The following ARHGAP10 variants were observed in gnomAD, a reference collection of about 807,000 sequenced individuals.
The protein encoded by ARHGAP10 is Rho GTPase activating protein 10.
Under a neutral mutation model 108.6 loss-of-function variants are expected in ARHGAP10, and 87 were observed. The ratio of observed to expected loss-of-function variants is 0.80; its 90% CI spans 0.67 to 0.96. The LOEUF is 0.96. Among genes scored for constraint, ARHGAP10 ranks in the 40% least tolerant of loss-of-function variants. The probability of loss-of-function intolerance (pLI) is 0.00; values close to 1 mark genes in which losing one functional copy is unlikely to be tolerated. For missense variants in ARHGAP10, 939 were observed against 954.5 expected (o/e 0.98, Z 0.21); for synonymous variants, 347 against 341.1 (o/e 1.02, Z -0.19).
chr4:148,069,822 C>CCA (rs1376941845), intron 22 of ARHGAP10, among the ~76,000 whole-genome samples: 1 of 152,130 alleles, frequency 6.6e-6, no homozygotes, highest in Non-Finnish European at 1.5e-5. Flanking sequence ...ACTCAGGCCC[C>CCA]CACATTGTTA....
chr4:147,838,330 C>T (rs1034899741), intron 3 of ARHGAP10, among the ~76,000 whole-genome samples: 2 of 152,124 alleles, frequency 1.3e-5, no homozygotes, highest in African/African-American at 2.4e-5. Context: ...CTGAACCTGG[C>T]ACAGTGGCTT....
intron 18 of ARHGAP10, among the ~76,000 whole-genome samples, chr4:147,996,954 C>T (rs1401513077): frequency 1.3e-5 from 2 of 152,140 alleles, no homozygotes; most frequent in Non-Finnish European, 2.9e-5. Flanking sequence ...TTGCAGCCTC[C>T]AGAAGTGTGA....
At chr4:147,899,744 T>A (rs904106938) in intron 10 of ARHGAP10, among the ~76,000 whole-genome samples, 1 of 151,996 alleles carries the variant, frequency 6.6e-6, no homozygotes, top group East Asian at 1.9e-4. Context: ...GATTCATAGA[T>A]TTATACTTTG....
chr4:147,870,541 T>C (rs964032602), intron 7 of ARHGAP10, among the ~76,000 whole-genome samples: 1 of 146,330 alleles, frequency 6.8e-6, no homozygotes, highest in African/African-American at 2.5e-5. Flanking sequence ...TAATACCTAT[T>C]GTATTGTAAA....
At position 147,966,578 on chromosome 4, in the gene ARHGAP10, T is replaced by C. The variant is rs184746900; in HGVS notation, c.1557-102T>C. 1.9e-3 allele frequency: 2,214 copies of C among 1,167,236 alleles called. 20 individuals are homozygous for C. The highest frequency in any genetic ancestry group is 8.2e-4 in the Non-Finnish European group (704 of 855,462). The allele number at this position is 1,167,236 out of a possible 1,614,324, so 72.3% of individuals were successfully genotyped here. ...TAGATGTTGAGGGTGGTTAAGTCTC[T>C]TGACCCCTTGCTTTTAAGGAAATAC... On this transcript the variant is annotated intron_variant, in intron 17 of 22. Transcript: ENST00000336498.
intron 3 of ARHGAP10, among the ~76,000 whole-genome samples, chr4:147,846,559 TTG>T (rs1233254106): frequency 1.3e-5 from 2 of 152,102 alleles, no homozygotes; most frequent in African/African-American, 2.4e-5. Context: ...TGGCTGGAGT[TTG>T]TGTGTGTGGC....
In ARHGAP10 at chr4:148,070,648, C is replaced by T. The variant is rs371360779; in HGVS notation, c.2273-1345C>T. 5.3e-5 allele frequency among the ~76,000 whole-genome samples: 8 copies of T among 152,316 alleles called. No homozygotes were observed. In the East Asian group the frequency reaches 9.6e-4, roughly 18 times the overall value. On this transcript the variant is annotated intron_variant, in intron 22 of 22. Coordinates refer to ENST00000336498, the MANE Select transcript of ARHGAP10 (RefSeq NM_024605.4). The stretch of plus-strand genomic sequence containing the variant: ...AATACAGAAAGGAAGGCATTGCATG[C>T]GCGCAGTGAGGGTAAGAGTATTGCT...
At position 147,913,132 on chromosome 4, in the gene ARHGAP10, A is replaced by G; in HGVS notation, c.1221A>G (p.Glu407=). 1 of 1,613,494 alleles carries G rather than the reference A, an allele frequency of 6.2e-7. No individual in the cohort carries two copies. The highest frequency in any genetic ancestry group is 1.3e-5 in the African/African-American group (1 of 75,022). The change falls in exon 13 of 23, where the codon GAA becomes GAG. Residue 407 remains glutamate (E), a synonymous_variant. Transcript: ENST00000336498. The part of the protein sequence containing the change: ...TIIRKCISAV[E]TRGINDQGLY... The stretch of plus-strand genomic sequence containing the variant: ...TCAGAAAATGCATCAGTGCCGTTGA[A>G]ACACGAGGTAATATGATTGAATCAT...
chr4:147,939,895 G>A lies in ARHGAP10; in HGVS notation c.1299G>A (p.Leu433=). ...SSKVQRLLSM[L]MDVKTCNEVD... is the part of the protein sequence containing the mutation. The stretch of plus-strand genomic sequence containing the variant: ...AGGTCCAGAGACTTCTGAGTATGTT[G>A]ATGGGTATGCCTCTTTTCTAATCAT... The change falls in exon 14 of 23, where the codon TTG becomes TTA. Residue 433 remains leucine, a synonymous_variant. Coordinates refer to ENST00000336498, the MANE Select transcript of ARHGAP10 (RefSeq NM_024605.4). 6.2e-7 allele frequency: 1 copy of A among 1,612,964 alleles called. No homozygotes were observed. Among genetic ancestry groups the A allele is most frequent in the Non-Finnish European group, 8.5e-7 (1 of 1,179,050 alleles).
At chr4:147,886,164 CA>C (rs939079295) in intron 10 of ARHGAP10, among the ~76,000 whole-genome samples, 2 of 151,936 alleles carry the variant, frequency 1.3e-5, no homozygotes, top group Middle Eastern at 3.4e-3. Flanking sequence ...TTCTAAAATC[CA>C]AAAAAAATTG....
intron 18 of ARHGAP10, among the ~76,000 whole-genome samples, chr4:148,000,146 A>G (rs1740645164): frequency 6.6e-6 from 1 of 151,848 alleles, no homozygotes; most frequent in Non-Finnish European, 1.5e-5. Flanking sequence ...TCATTGTTCA[A>G]TTCCTGCCTA....
intron 4 of ARHGAP10, among the ~76,000 whole-genome samples, chr4:147,853,528 C>G (rs1388328570): frequency 6.6e-6 from 1 of 151,996 alleles, no homozygotes; most frequent in Non-Finnish European, 1.5e-5. Flanking sequence ...ATCTGGTACC[C>G]TATAGAAAAA....
At chr4:147,992,760 G>C (rs575729329) in intron 18 of ARHGAP10, among the ~76,000 whole-genome samples, 1 of 152,270 alleles carries the variant, frequency 6.6e-6, no homozygotes, top group East Asian at 1.9e-4. Context: ...CTGCCATCCA[G>C]TATTAGTGCC....
chr4:147,846,696 A>C (rs1022702099), intron 3 of ARHGAP10, among the ~76,000 whole-genome samples: 4 of 152,192 alleles, frequency 2.6e-5, no homozygotes, highest in South Asian at 2.1e-4. Flanking sequence ...TTCTGTAATG[A>C]AGGGCAGACT....
chr4:148,071,801 A>G (rs1225029046), intron 22 of ARHGAP10, among the ~76,000 whole-genome samples, 192 bp from the exon 23 acceptor site: 1 of 152,102 alleles, frequency 6.6e-6, no homozygotes, highest in Non-Finnish European at 1.5e-5. Context: ...GGGATTGTGT[A>G]GATGAGGATT....
intron 10 of ARHGAP10, among the ~76,000 whole-genome samples, chr4:147,895,043 C>T (rs1735932224): frequency 6.6e-6 from 1 of 152,058 alleles, no homozygotes; most frequent in Non-Finnish European, 1.5e-5. Flanking sequence ...ACCCCCAAAA[C>T]CCATAGGTCA....
chr4:147,797,810 A>G (rs1034711944), intron 1 of ARHGAP10, among the ~76,000 whole-genome samples: 3 of 152,216 alleles, frequency 2.0e-5, no homozygotes, highest in Admixed American at 2.0e-4. Flanking sequence ...TGCCTTTCCC[A>G]GAAAGAGTTA....
In ARHGAP10 at chr4:147,958,989, A is replaced by G. The variant is rs906300207; in HGVS notation, c.1450+3615A>G. 2.6e-5 allele frequency among the ~76,000 whole-genome samples: 4 copies of G among 152,192 alleles called. No individual in the cohort carries two copies. The East Asian group carries it at 7.7e-4, about 29-fold the overall frequency. ...CATATTTCAAGAATTTGGTATTATG[A>G]TTAATTTAGTATCCTAGTTTTTTTT... On this transcript the variant is annotated intron_variant, in intron 16 of 22. Transcript: ENST00000336498.
At chr4:147,770,056 GAGATGGAGTGTGTGTTC>G (rs1403958336) in intron 1 of ARHGAP10, among the ~76,000 whole-genome samples, 1 of 152,188 alleles carries the variant, frequency 6.6e-6, no homozygotes, top group Non-Finnish European at 1.5e-5. Flanking sequence ...TGATCACATA[GAGATGGAGTGTGTGTTC>G]ATACACCAGC....
Sources: allele counts gnomAD v4.1 joint callset (sites outside exome capture counted in the v4.1 genomes callset), GRCh38; gene constraint gnomAD v4.1.1; transcripts MANE v1.5; gene names NCBI Gene and HGNC (gene_info 2026-07-23, HGNC 2026-07-21).